Variants in CACNA2D3 observed in about 807,000 individuals in gnomAD.
CACNA2D3 encodes voltage-dependent calcium channel subunit alpha-2/delta-3.
CACNA2D3 carries 60 observed loss-of-function variants against 160.6 expected under a neutral mutation model. The ratio of observed to expected loss-of-function variants is 0.37; its 90% confidence interval spans 0.30 to 0.46. The LOEUF (loss-of-function observed/expected upper bound fraction) is 0.46, where lower values mean the gene tolerates loss of function less well. Among genes scored for constraint, CACNA2D3 ranks in the 20% least tolerant of loss-of-function variants. The pLI is 1.00. For synonymous variants in CACNA2D3, 558 were observed against 492.9 expected, an observed-to-expected ratio of 1.13 and a Z score of -1.75; for missense variants, 1,205 against 1,365.0, an observed-to-expected ratio of 0.88 and a Z score of 1.85.
intron 4 of CACNA2D3, among the ~76,000 whole-genome samples, chr3:54,485,315 T>G (rs1700998827): frequency 6.6e-6 from 1 of 152,248 alleles, no homozygotes; most frequent in South Asian, 2.1e-4. Context: ...AGTTTTGGAT[T>G]CAAATTCATA....
chr3:54,600,645 C>T (rs750642699), intron 9 of CACNA2D3, among the ~76,000 whole-genome samples: 5 of 152,100 alleles, frequency 3.3e-5, no homozygotes, highest in Admixed American at 6.5e-5. Context: ...CAAGATAATG[C>T]GGTGTGCTGT....
At chr3:54,168,821 G>T (rs1400557915) in intron 2 of CACNA2D3, among the ~76,000 whole-genome samples, 1 of 152,168 alleles carries the variant, frequency 6.6e-6, no homozygotes, top group Non-Finnish European at 1.5e-5. Flanking sequence ...AATTTGCAGG[G>T]TCTCATCTAT....
At chr3:54,616,570 C>T (rs147103759) in intron 9 of CACNA2D3, among the ~76,000 whole-genome samples, 3 of 152,244 alleles carry the variant, frequency 2.0e-5, no homozygotes, top group East Asian at 1.9e-4. Context: ...CAAGGGTCTG[C>T]GTATCAGTGG....
intron 27 of CACNA2D3, among the ~76,000 whole-genome samples, chr3:54,922,689 C>T (rs1342983322): frequency 6.6e-6 from 1 of 152,156 alleles, no homozygotes; most frequent in East Asian, 1.9e-4. Flanking sequence ...GCTCCAACAT[C>T]TTCCTGAGCT....
chr3:54,585,211 G>T (rs909227708), intron 9 of CACNA2D3, among the ~76,000 whole-genome samples: 1 of 152,152 alleles, frequency 6.6e-6, no homozygotes, highest in African/African-American at 2.4e-5. Context: ...TTTATGGATG[G>T]AATACTTAAG....
chr3:54,999,617 C>A (rs557299083), intron 31 of CACNA2D3, among the ~76,000 whole-genome samples: 1 of 152,210 alleles, frequency 6.6e-6, no homozygotes, highest in South Asian at 2.1e-4. Context: ...CCAAAGTGAG[C>A]TAATTTGATG....
intron 1 of CACNA2D3, 96 bp downstream of exon 1, chr3:54,122,931 A>G (rs908596077): frequency 9.0e-7 from 1 of 1,107,528 alleles, no homozygotes; most frequent in Non-Finnish European, 1.1e-6. Flanking sequence ...GCTGGGCAGG[A>G]CCCGCCGCGG....
Position 54,896,609 on chromosome 3 carries a change from GCCC to G in CACNA2D3, c.2247-137_2247-135del. The G allele has an allele frequency of 3.4e-6, 3 of 884,234 alleles. No individual in the cohort carries two copies. In the Admixed American group the frequency reaches 5.9e-5, roughly 17 times the overall value. The allele number at this position is 884,234 out of a possible 1,614,324, so 54.8% of individuals were successfully genotyped here. On this transcript the variant is annotated intron_variant, in intron 25 of 37. Coordinates refer to ENST00000474759, the MANE Select transcript of CACNA2D3 (RefSeq NM_018398.3). Reference sequence around the variant, plus strand: ...TCTGGGGTGCACAGTGTTAAGTGAGGCCCCCTCTATACTGAGAAAGGCAAGTTG... The same window carrying G: ...TCTGGGGTGCACAGTGTTAAGTGAGGCCTCTATACTGAGAAAGGCAAGTTG...
chr3:54,296,049 G>C (rs1703335552), intron 2 of CACNA2D3, among the ~76,000 whole-genome samples: 2 of 152,156 alleles, frequency 1.3e-5, no homozygotes, highest in African/African-American at 4.8e-5. Flanking sequence ...ACGTCCCTTG[G>C]GCTGTGTCCG....
intron 4 of CACNA2D3, among the ~76,000 whole-genome samples, chr3:54,435,227 G>A (rs895783006): frequency 2.7e-4 from 41 of 152,156 alleles, no homozygotes; most frequent in Non-Finnish European, 1.0e-4. Flanking sequence ...TTTGGGGTCA[G>A]TAACTCAGAA....
chr3:54,578,089 C>G (rs1174260035), intron 8 of CACNA2D3, among the ~76,000 whole-genome samples: 2 of 152,158 alleles, frequency 1.3e-5, no homozygotes. Context: ...CTTCCCATTT[C>G]CCAGAAATTT....
intron 4 of CACNA2D3, among the ~76,000 whole-genome samples, chr3:54,482,880 G>A (rs1700956192): frequency 6.6e-6 from 1 of 152,144 alleles, no homozygotes; most frequent in African/African-American, 2.4e-5. Context: ...ACTTTAGATA[G>A]GAAGTGACAC....
At chr3:54,736,415 T>A (rs1701533793) in intron 11 of CACNA2D3, among the ~76,000 whole-genome samples, 1 of 152,074 alleles carries the variant, frequency 6.6e-6, no homozygotes, top group African/African-American at 2.4e-5. Context: ...CTTTATATGA[T>A]TGTTTCCTTG....
At chr3:54,123,818 C>T (rs77519334) in intron 2 of CACNA2D3, among the ~76,000 whole-genome samples, 3,131 of 152,268 alleles carry the variant, frequency 0.021, 37 homozygotes, top group South Asian at 0.048. Flanking sequence ...GATACTCACT[C>T]GCACTGTCCT....
chr3:54,283,969 C>T (rs962631119), intron 2 of CACNA2D3, among the ~76,000 whole-genome samples: 21 of 152,054 alleles, frequency 1.4e-4, no homozygotes, highest in Non-Finnish European at 4.4e-5. Context: ...GGCTGAGGCA[C>T]GGGAATTGCT....
At chr3:54,765,722 A>G (rs1326562598) in intron 13 of CACNA2D3, among the ~76,000 whole-genome samples, 1 of 152,188 alleles carries the variant, frequency 6.6e-6, no homozygotes, top group Non-Finnish European at 1.5e-5. Flanking sequence ...ATCAATTTAA[A>G]AAAATATAAG....
At chr3:54,762,945 GGGCGT>G (rs2107091915) in intron 12 of CACNA2D3, among the ~76,000 whole-genome samples, 1 of 152,200 alleles carries the variant, frequency 6.6e-6, no homozygotes, top group African/African-American at 2.4e-5. Context: ...CAAAACAGCC[GGGCGT>G]GGTGGCGGGT....
chr3:54,770,517 T>C (rs1013962117), intron 13 of CACNA2D3, among the ~76,000 whole-genome samples: 1 of 152,246 alleles, frequency 6.6e-6, no homozygotes, highest in Non-Finnish European at 1.5e-5. Flanking sequence ...CAAAATTAAA[T>C]GAGTGCTGGC....
At chr3:54,927,216 T>C (rs1258403316) in intron 27 of CACNA2D3, among the ~76,000 whole-genome samples, 1 of 152,202 alleles carries the variant, frequency 6.6e-6, no homozygotes, top group African/African-American at 2.4e-5. Flanking sequence ...CTTCCTTAAA[T>C]TCTCTACTGA....
Sources: gnomAD v4.1 joint callset for allele counts (sites outside exome capture counted in the v4.1 genomes callset) on GRCh38, gnomAD v4.1.1 for gene constraint, MANE v1.5 for transcripts, NCBI Gene and HGNC (gene_info 2026-07-23, HGNC 2026-07-21) for gene names.